DAPK2: variants seen among roughly 807,000 people sequenced by gnomAD.
DAPK2 encodes the protein death associated protein kinase 2, also known as death-associated protein kinase 2.
A neutral mutation model predicts 44.1 loss-of-function variants in DAPK2; 35 were observed. The ratio of observed to expected loss-of-function variants is 0.79; its 90% CI spans 0.61 to 1.05. DAPK2 has a LOEUF of 1.05. Among genes scored for constraint, DAPK2 ranks in the 50% least tolerant of loss-of-function variants. The probability of loss-of-function intolerance (pLI) is 0.00; values close to 1 mark genes in which losing one functional copy is unlikely to be tolerated. For missense variants in DAPK2, 453 were observed against 483.2 expected, an observed-to-expected ratio of 0.94 and a Z score of 0.59; for synonymous variants, 174 against 182.6, an observed-to-expected ratio of 0.95 and a Z score of 0.38.
chr15:63,946,801 G>A (rs2077460525), intron 3 of DAPK2, among the ~76,000 whole-genome samples: 1 of 152,196 alleles, frequency 6.6e-6, no homozygotes, highest in Non-Finnish European at 1.5e-5. Flanking sequence ...GGCCCAGCCA[G>A]GGCTGTGCTG....
chr15:63,977,872 C>T (rs1199686120), intron 2 of DAPK2, among the ~76,000 whole-genome samples: 3 of 152,138 alleles, frequency 2.0e-5, no homozygotes, highest in African/African-American at 7.2e-5. Flanking sequence ...ACCATGTGTC[C>T]CTCTCACCAC....
intron 1 of DAPK2, among the ~76,000 whole-genome samples, chr15:64,033,441 T>A (rs1487240602): frequency 6.6e-6 from 1 of 152,006 alleles, no homozygotes; most frequent in Non-Finnish European, 1.5e-5. Context: ...TTTATTAATT[T>A]AAAAAACCAT....
chr15:64,007,502 C>G (rs555215956), intron 1 of DAPK2, among the ~76,000 whole-genome samples: 157 of 152,238 alleles, frequency 1.0e-3, no homozygotes, highest in African/African-American at 3.6e-3. Flanking sequence ...GATCTCCCAG[C>G]CTCAGAGAAA....
At chr15:63,995,523 T>TCAC (rs1469137384) in intron 1 of DAPK2, among the ~76,000 whole-genome samples, 4 of 152,228 alleles carry the variant, frequency 2.6e-5, no homozygotes, top group Non-Finnish European at 5.9e-5. Context: ...GTTACTTCAA[T>TCAC]CACCCAACTG....
At chr15:63,959,915 T>G (rs11855952) in intron 3 of DAPK2, among the ~76,000 whole-genome samples, 1 of 152,356 alleles carries the variant, frequency 6.6e-6, no homozygotes, top group African/African-American at 2.4e-5. Flanking sequence ...ATTGGAATAG[T>G]TTCAGAAGGA....
exon 2 of DAPK2, chr15:63,983,553 G>A (rs62639967): frequency 3.0e-5 from 49 of 1,613,992 alleles, no homozygotes; most frequent in Middle Eastern, 1.6e-4. Context: ...TGAGCACCAC[G>A]TCGGTGCGGT....
upstream of DAPK2, among the ~76,000 whole-genome samples, chr15:64,044,706 T>C (rs976369057): frequency 7.9e-5 from 12 of 152,048 alleles, no homozygotes; most frequent in African/African-American, 2.2e-4. Context: ...GATCACCTCA[T>C]AGGAAACTCT....
intron 1 of DAPK2, among the ~76,000 whole-genome samples, chr15:64,028,095 G>T (rs972068921): frequency 6.6e-6 from 1 of 151,820 alleles, no homozygotes. Context: ...GTCTCACTGT[G>T]TTGCCCAGGC....
chr15:64,022,796 G>T (rs1046098555), intron 1 of DAPK2, among the ~76,000 whole-genome samples: 2 of 152,174 alleles, frequency 1.3e-5, no homozygotes, highest in Non-Finnish European at 2.9e-5. Context: ...TCCAGCCTGG[G>T]TGACAGAGTG....
chr15:64,018,050 C>A (rs1170891928), intron 1 of DAPK2, among the ~76,000 whole-genome samples: 1 of 152,112 alleles, frequency 6.6e-6, no homozygotes, highest in Non-Finnish European at 1.5e-5. Flanking sequence ...CTGCCTGGCC[C>A]AAAAAAGTCA....
At chr15:63,937,967 C>T (rs989249064) in intron 4 of DAPK2, among the ~76,000 whole-genome samples, 5 of 152,304 alleles carry the variant, frequency 3.3e-5, no homozygotes, top group African/African-American at 1.2e-4. Context: ...TCCTTAACAT[C>T]GCTGTGTCCC....
chr15:63,954,681 G>A (rs543302178), intron 3 of DAPK2, among the ~76,000 whole-genome samples: 35 of 151,724 alleles, frequency 2.3e-4, no homozygotes, highest in Non-Finnish European at 3.7e-4. Flanking sequence ...TTTCTATTTC[G>A]GTTAAGAATG....
rs1016401907 is a variant in DAPK2 at position 64,013,848 on chromosome 15, T to A, written c.92+26322A>T. Reference sequence around the variant, plus strand: ...AGTGGTCCAGCCTCACATGAATAAATCATGATGCCATTATGAGCAGATAGA... The same window carrying A: ...AGTGGTCCAGCCTCACATGAATAAAACATGATGCCATTATGAGCAGATAGA... On this transcript the variant is annotated intron_variant, in intron 1 of 10. Transcript: ENST00000261891. The surrounding 1 kb of genome is among the most constrained non-coding windows in gnomAD (Gnocchi z 4.7). 5.3e-5 allele frequency among the ~76,000 whole-genome samples: 8 copies of A among 152,180 alleles called. No homozygotes were observed. The highest frequency in any genetic ancestry group is 1.0e-4 in the Non-Finnish European group (7 of 68,028).
At chr15:63,986,622 C>T (rs546541317) in intron 1 of DAPK2, among the ~76,000 whole-genome samples, 3 of 152,144 alleles carry the variant, frequency 2.0e-5, no homozygotes, top group Admixed American at 6.5e-5. Flanking sequence ...CACCCTACCC[C>T]GCCAATGATT....
chr15:63,955,131 C>T (rs962429760), intron 3 of DAPK2, among the ~76,000 whole-genome samples: 118 of 152,298 alleles, frequency 7.7e-4, no homozygotes, highest in African/African-American at 2.7e-3. Flanking sequence ...CCAATTTGGA[C>T]GCCCTTTATT....
intron 6 of DAPK2, among the ~76,000 whole-genome samples, chr15:63,926,833 G>C (rs2079293562): frequency 6.6e-6 from 1 of 152,178 alleles, no homozygotes; most frequent in South Asian, 2.1e-4. Context: ...ATGTACCCGA[G>C]CTAGAAGCAC....
At chr15:63,926,437 G>C (rs1347121543) in intron 6 of DAPK2, among the ~76,000 whole-genome samples, 1 of 152,286 alleles carries the variant, frequency 6.6e-6, no homozygotes, top group Non-Finnish European at 1.5e-5. Context: ...ACAGGAAAGA[G>C]GGAGGCCCAG....
At chr15:63,961,914 A>C (rs1376825262) in intron 3 of DAPK2, among the ~76,000 whole-genome samples, 4 of 152,142 alleles carry the variant, frequency 2.6e-5, no homozygotes, top group Admixed American at 1.3e-4. Flanking sequence ...GGGAAGTTCT[A>C]CTGGATAATA....
At chr15:63,953,991 T>A (rs2077657018) in intron 3 of DAPK2, among the ~76,000 whole-genome samples, 1 of 152,234 alleles carries the variant, frequency 6.6e-6, no homozygotes, top group Admixed American at 6.5e-5. Context: ...TGCCCATTTT[T>A]AAATCAGATT....
Sources: allele counts gnomAD v4.1 joint callset (sites outside exome capture counted in the v4.1 genomes callset), GRCh38; gene constraint gnomAD v4.1.1; non-coding constraint Gnocchi (gnomAD v3.1); transcripts MANE v1.5; gene names NCBI Gene and HGNC (gene_info 2026-07-23, HGNC 2026-07-21).